DNMT1: variants seen among roughly 807,000 people sequenced by gnomAD.
DNMT1 encodes DNA (cytosine-5)-methyltransferase 1.
In DNMT1, 24 loss-of-function variants were observed where a neutral mutation model predicts 205.3. That is an observed-to-expected ratio of 0.12 (90% CI 0.08 to 0.16). The LOEUF (loss-of-function observed/expected upper bound fraction) is 0.16, where lower values mean the gene tolerates loss of function less well. Ranked by LOEUF, DNMT1 falls within the 10% of genes least tolerant of loss-of-function variation. DNMT1 has a pLI of 1.00. For synonymous variants in DNMT1, 817 were observed against 839.8 expected, an observed-to-expected ratio of 0.97 and a Z score of 0.47; for missense variants, 1,293 against 2,177.7, an observed-to-expected ratio of 0.59 and a Z score of 8.09.
chr19:10,149,256 TG>T (rs1219881201), intron 26 of DNMT1, among the ~76,000 whole-genome samples, 196 bp downstream of exon 26: 8 of 143,038 alleles, frequency 5.6e-5, no homozygotes, highest in Non-Finnish European at 1.2e-4. Flanking sequence ...ACCCAGGAGG[TG>T]GAGGTTGCAG....
intron 10 of DNMT1, among the ~76,000 whole-genome samples, chr19:10,167,187 T>G (rs2038714495): frequency 6.6e-6 from 1 of 152,010 alleles, no homozygotes; most frequent in Non-Finnish European, 1.5e-5. Flanking sequence ...ATTGTTTTCT[T>G]TTTCTTTTTT....
chr19:10,133,731 TG>T lies in DNMT1; in HGVS notation c.4865-31del, dbSNP rs1309783834. 6.4e-7 allele frequency: 1 copy of T among 1,573,974 alleles called. No homozygotes were observed. The highest frequency in any genetic ancestry group is 1.4e-5 in the African/African-American group (1 of 73,984). On this transcript the variant is annotated intron_variant, in intron 40 of 40. Coordinates refer to ENST00000359526, the MANE Select transcript of DNMT1 (RefSeq NM_001130823.3). This position sits in a 1 kb window ranked among gnomAD's most constrained non-coding sequence, Gnocchi z 4.1. The stretch of plus-strand genomic sequence containing the variant: ...AGGGAAATAAAAGGAAAAGTCACTC[TG>T]GGGAACACGCCCGGTGTCACGCCAC...
chr19:10,152,772 A>G (rs1484678969), intron 22 of DNMT1, among the ~76,000 whole-genome samples: 2 of 151,766 alleles, frequency 1.3e-5, no homozygotes, highest in Non-Finnish European at 2.9e-5. Flanking sequence ...CAACAACAAC[A>G]ACAACAACAA....
intron 1 of DNMT1, among the ~76,000 whole-genome samples, chr19:10,182,419 ATATATATG>A (rs2039073290): frequency 1.4e-4 from 10 of 70,460 alleles, no homozygotes; most frequent in African/African-American, 5.3e-4. Context: ...ATATATGTGT[ATATATATG>A]TGTGTATATA....
Position 10,148,862 on chromosome 19 carries a change from C to T in DNMT1, c.2720+22G>A, listed in dbSNP as rs748639689. 2.3e-5 allele frequency: 37 copies of T among 1,613,918 alleles called. No individual in the cohort carries two copies. In the African/African-American group the frequency reaches 3.3e-4, roughly 15 times the overall value. ...GTGGGCTGAAAGTGCCTGCTGACCC[C>T]GAGTCCAGCCCCAGTGCTCACTTGA... On this transcript the variant is annotated intron_variant, in intron 27 of 40. Transcript: ENST00000359526.
chr19:10,193,399 A>G (rs2039338867), intron 1 of DNMT1, among the ~76,000 whole-genome samples: 1 of 151,060 alleles, frequency 6.6e-6, no homozygotes, highest in Non-Finnish European at 1.5e-5. Context: ...TCACTCTGTC[A>G]CCCAGGCTGG....
In DNMT1 at chr19:10,146,563, G is replaced by C; in HGVS notation, c.2721-39C>G. 6.2e-7 allele frequency: 1 copy of C among 1,611,894 alleles called. No individual in the cohort carries two copies. Among genetic ancestry groups the C allele is most frequent in the South Asian group, 1.1e-5 (1 of 91,012 alleles). ...AGGGACAGAAACATAAGGCCCTGAG[G>C]TGGCCGGCAGTGGCCGCAGCAGCTA... On this transcript the variant is annotated intron_variant, in intron 27 of 40. Transcript: ENST00000359526. The surrounding 1 kb of genome is among the most constrained non-coding windows in gnomAD (Gnocchi z 4.4).
chr19:10,139,684 C>T lies in DNMT1; in HGVS notation c.3940G>A (p.Val1314Met). Residue 1314 changes from valine to methionine, a missense_variant, in exon 34 of 41, where the codon GTG becomes ATG. Transcript: ENST00000359526. The stretch of plus-strand genomic sequence containing the variant: ...CCAGCCCCAGGGCCCACCTGCAGCA[C>T]GCCGAAGGTGCACTGATAGCCCATG... ...VRMGYQCTFG[V>M]LQAGQYGVAQ... The T allele has an allele frequency of 6.2e-7, 1 of 1,613,118 alleles. No individual in the cohort carries two copies. The highest frequency in any genetic ancestry group is 8.5e-7 in the Non-Finnish European group (1 of 1,179,916).
In DNMT1 at chr19:10,156,066, A is replaced by G. The variant is rs1182815208; in HGVS notation, c.1400-121T>C. On this transcript the variant is annotated intron_variant, in intron 18 of 40. Coordinates refer to ENST00000359526, the MANE Select transcript of DNMT1 (RefSeq NM_001130823.3). This position sits in a 1 kb window ranked among gnomAD's most constrained non-coding sequence, Gnocchi z 4.2. Reference sequence around the variant, plus strand: ...AGGTCGGGTGCTCCTCAGTCATCACAATGACTTGGCCTACAGCTGCTCCTG... The same window carrying G: ...AGGTCGGGTGCTCCTCAGTCATCACGATGACTTGGCCTACAGCTGCTCCTG... 22 of 1,005,682 alleles carry G rather than the reference A, an allele frequency of 2.2e-5. No homozygotes were observed. The highest frequency in any genetic ancestry group is 3.2e-5 in the Non-Finnish European group (21 of 661,974). The allele number at this position is 1,005,682 out of a possible 1,614,324, so 62.3% of individuals were successfully genotyped here.
chr19:10,137,313 C>A lies in DNMT1; in HGVS notation c.4294-33G>T, dbSNP rs755314598. 36 of 1,579,046 alleles carry A rather than the reference C, an allele frequency of 2.3e-5. No homozygotes were observed. The Admixed American group carries it at 4.7e-4, about 21-fold the overall frequency. On this transcript the variant is annotated intron_variant, in intron 36 of 40. Coordinates refer to ENST00000359526, the MANE Select transcript of DNMT1 (RefSeq NM_001130823.3). This position sits in a 1 kb window ranked among gnomAD's most constrained non-coding sequence, Gnocchi z 6.4. The stretch of plus-strand genomic sequence containing the variant: ...AGTGTGGGGGGCCCAGCTGTCACCT[C>A]ATGTGAGCAGCATCCGAGCATCCAT...
At chr19:10,158,683 C>T (rs927169001) in intron 17 of DNMT1, among the ~76,000 whole-genome samples, 6 of 152,300 alleles carry the variant, frequency 3.9e-5, no homozygotes, top group East Asian at 1.9e-4. Flanking sequence ...ACGGGCCGGA[C>T]GCCAGGCACC....
Position 10,148,926 on chromosome 19 carries a change from T to G in DNMT1, c.2678A>C (p.Glu893Ala). ...TGTTGGCTGGGTTTTTGGAGGGGAC[T>G]CGAATCTCGCGTAGTCTTGATCATA... is the stretch of plus-strand genomic sequence containing the variant. ...LWYDQDYARF[E>A]SPPKTQPTED... Residue 893 changes from glutamate (E) to alanine (A), a missense_variant, in exon 27 of 41, where the codon GAG becomes GCG. This residue lies in a region of DNMT1 where 112 missense variants were observed against 116.6 expected (regional missense o/e 0.96). Transcript: ENST00000359526. 6.2e-7 allele frequency: 1 copy of G among 1,614,202 alleles called. No homozygotes were observed. Among genetic ancestry groups the G allele is most frequent in the Non-Finnish European group, 8.5e-7 (1 of 1,180,040 alleles).
chr19:10,194,796 C>T, intron 1 of DNMT1, 24 bp downstream of exon 1: 1 of 1,609,614 alleles, frequency 6.2e-7, no homozygotes, highest in Non-Finnish European at 8.5e-7. Context: ...CCCCTGAGTC[C>T]GTGTTCCCCC....
chr19:10,160,097 TTTAA>T, intron 14 of DNMT1, 34 bp from the exon 15 acceptor site: 1 of 1,611,070 alleles, frequency 6.2e-7, no homozygotes, highest in Non-Finnish European at 8.5e-7. Context: ...AGATCGTTTG[TTTAA>T]TTGTTTCAGA....
rs78399635 is a variant in DNMT1 at position 10,149,779 on chromosome 19, A to G, written c.2381+74T>C. The G allele has an allele frequency of 4.1e-3, 6,529 of 1,605,438 alleles. 134 individuals are homozygous for G. Among genetic ancestry groups the G allele is most frequent in the East Asian group, 0.035 (1,583 of 44,832 alleles). On this transcript the variant is annotated intron_variant, in intron 25 of 40. Transcript: ENST00000359526. ...TCTAGGGCAAAAAGCTGCTGGTGCTATTTTGGCAAAACAGGCATCTCCTAC... is the reference window on the plus strand; with the variant it reads ...TCTAGGGCAAAAAGCTGCTGGTGCTGTTTTGGCAAAACAGGCATCTCCTAC...
Position 10,163,351 on chromosome 19 carries a change from T to G in DNMT1, c.901A>C (p.Lys301Gln), listed in dbSNP as rs751183319. 3.8e-5 allele frequency: 62 copies of G among 1,613,860 alleles called. No homozygotes were observed. Among genetic ancestry groups the G allele is most frequent in the East Asian group, 8.9e-5 (4 of 44,890 alleles). ...DEDGDEKDEKKHRSQPKDLAA... is the reference protein window; with the variant it reads ...DEDGDEKDEKQHRSQPKDLAA... ...AGATCTTTGGGTTGACTTCTGTGCT[T>G]CTTCTCATCCTGACAGAAAAATAAG... is the stretch of plus-strand genomic sequence containing the variant. Residue 301 changes from lysine (K) to glutamine (Q), a missense_variant, in exon 12 of 41, where the codon AAG becomes CAG. This residue lies in a region of DNMT1 where 394 missense variants were observed against 451.6 expected (regional missense o/e 0.87). Coordinates refer to ENST00000359526, the MANE Select transcript of DNMT1 (RefSeq NM_001130823.3).
intron 37 of DNMT1, among the ~76,000 whole-genome samples, chr19:10,136,587 C>G (rs1211377130): frequency 2.6e-5 from 4 of 151,988 alleles, no homozygotes; most frequent in Non-Finnish European, 5.9e-5. Flanking sequence ...AGGCGTGCGA[C>G]ACCACGCCCG....
chr19:10,162,276 C>T (rs1359078034), intron 13 of DNMT1, among the ~76,000 whole-genome samples: 2 of 151,342 alleles, frequency 1.3e-5, no homozygotes, highest in African/African-American at 4.9e-5. Context: ...GCAGCTGGGA[C>T]TACAGGCATA....
intron 9 of DNMT1, among the ~76,000 whole-genome samples, chr19:10,169,339 G>A (rs1425547497): frequency 4.9e-5 from 7 of 142,206 alleles, no homozygotes. Flanking sequence ...TCAGGAGATC[G>A]AGACCATCCT....
Sources: allele counts gnomAD v4.1 joint callset (sites outside exome capture counted in the v4.1 genomes callset), GRCh38; gene constraint gnomAD v4.1.1; regional missense constraint gnomAD v4.1.1; non-coding constraint Gnocchi (gnomAD v3.1); transcripts MANE v1.5; gene names NCBI Gene and HGNC (gene_info 2026-07-23, HGNC 2026-07-21).